Variants in COL18A1 observed in about 807,000 individuals in gnomAD.
The protein encoded by COL18A1 is collagen type XVIII alpha 1 chain, also known as collagen alpha-1(XVIII) chain.
A neutral mutation model predicts 168.0 loss-of-function variants in COL18A1; 133 were observed. That is an observed-to-expected ratio of 0.79 (90% confidence interval 0.69 to 0.91). The LOEUF is 0.91. Ranked by LOEUF, COL18A1 falls within the 40% of genes least tolerant of loss-of-function variation. The probability of loss-of-function intolerance (pLI) is 0.00; values close to 1 mark genes in which losing one functional copy is unlikely to be tolerated. For synonymous variants in COL18A1, 949 were observed against 809.0 expected, an observed-to-expected ratio of 1.17 and a Z score of -2.94; for missense variants, 2,126 against 1,925.4, an observed-to-expected ratio of 1.10 and a Z score of -1.95.
At chr21:45,474,630 T>G (rs2145911972) in intron 4 of COL18A1, among the ~76,000 whole-genome samples, 2 of 150,216 alleles carry the variant, frequency 1.3e-5, no homozygotes, top group African/African-American at 4.9e-5. Flanking sequence ...AAGGGGAGAA[T>G]CCCCCAGCCC....
rs769705694 is a variant in COL18A1, at chr21:45,468,613, G to A, written c.478G>A (p.Gly160Ser). The A allele has an allele frequency of 1.2e-5, 20 of 1,613,776 alleles. No individual in the cohort carries two copies. The highest frequency in any genetic ancestry group is 4.0e-5 in the African/African-American group (3 of 74,948). ...AASFRLPAFV[G>S]QWTHLALSVA... The stretch of plus-strand genomic sequence containing the variant: ...CAGCTTCCGGCTCCCCGCCTTCGTC[G>A]GCCAGTGGACACACTTAGCCCTCAG... Residue 160 changes from glycine (G) to serine (S), a missense_variant, in exon 3 of 42, where the codon GGC becomes AGC. By Grantham distance (56) the Gly-to-Ser change is moderately conservative. Transcript: ENST00000651438.
At chr21:45,494,197 T>C (rs996761656) in intron 26 of COL18A1, 6 of 487,006 alleles carry the variant, frequency 1.2e-5, no homozygotes, top group Non-Finnish European at 2.3e-5. Context: ...CACCCAGCTG[T>C]GCATTGGAGC....
chr21:45,437,516 A>ACACACT (rs2034180560), intron 2 of COL18A1, among the ~76,000 whole-genome samples: 1 of 84,528 alleles, frequency 1.2e-5, no homozygotes, highest in Non-Finnish European at 2.2e-5. Context: ...TCTCCTGCAC[A>ACACACT]CACACACTCA....
Position 45,473,258 on chromosome 21 carries a change from G to A in COL18A1, c.652-637G>A, listed in dbSNP as rs149463809. Among the ~76,000 whole-genome samples the A allele has an allele frequency of 3.9e-5, 6 of 152,374 alleles. No homozygotes were observed. Among genetic ancestry groups the A allele is most frequent in the African/African-American group, 1.4e-4 (6 of 41,602 alleles). ...CCAGGGCCCGAGAGGGCAGGGTCAG[G>A]CACCCTGGCACTCAGCCCAGGACTG... On this transcript the variant is annotated intron_variant, in intron 3 of 41. Transcript: ENST00000651438. This position sits in a 1 kb window ranked among gnomAD's most constrained non-coding sequence, Gnocchi z 4.0.
chr21:45,497,512 G>A, intron 31 of COL18A1, 87 bp from the exon 32 acceptor site: 2 of 1,507,336 alleles, frequency 1.3e-6, no homozygotes, highest in Non-Finnish European at 1.8e-6. Flanking sequence ...AGGCCCCCAG[G>A]CACTAGGGCA....
chr21:45,506,975 GGC>G, intron 37 of COL18A1: 2 of 271,580 alleles, frequency 7.4e-6, no homozygotes, highest in South Asian at 3.6e-5. Flanking sequence ...TGTGCTTGTA[GGC>G]ACCCGGATGC....
intron 2 of COL18A1, among the ~76,000 whole-genome samples, chr21:45,449,015 C>T (rs995800104): frequency 2.0e-5 from 3 of 152,356 alleles, no homozygotes; most frequent in Middle Eastern, 3.4e-3. Context: ...GTGTCCTCCC[C>T]GTGGCCTCCT....
intron 32 of COL18A1, among the ~76,000 whole-genome samples, chr21:45,503,491 A>G (rs2036977244): frequency 6.6e-6 from 1 of 152,086 alleles, no homozygotes; most frequent in Admixed American, 6.6e-5. Context: ...TTGTAGGGAC[A>G]TGGATGAAAT....
chr21:45,503,651 G>C (rs1196414607), intron 32 of COL18A1, among the ~76,000 whole-genome samples: 1 of 112,556 alleles, frequency 8.9e-6, no homozygotes, highest in Non-Finnish European at 1.8e-5. Context: ...TGGGGGGAGG[G>C]GGGAGGGATA....
intron 2 of COL18A1, among the ~76,000 whole-genome samples, chr21:45,433,621 C>T (rs2034024545): frequency 6.6e-6 from 1 of 152,226 alleles, no homozygotes; most frequent in Non-Finnish European, 1.5e-5. Flanking sequence ...TGCAAGAACA[C>T]CTTTTGAAGT....
rs17004785 is a variant in COL18A1, at chr21:45,512,704, G to C, written c.*306G>C. 48,700 of 455,960 alleles carry C rather than the reference G, an allele frequency of 0.11. 2,813 individuals carry two copies. The highest frequency in any genetic ancestry group is 0.17 in the Admixed American group (4,709 of 27,648). The allele number at this position is 455,960 out of a possible 1,614,324, so 28.2% of individuals were successfully genotyped here. The stretch of plus-strand genomic sequence containing the variant: ...CAACCTCTTGGCCTGATCAGACCAC[G>C]GCTCGATTTCTCCAGGATTTCCTGC... On this transcript the variant is annotated 3_prime_UTR_variant, in exon 42 of 42. Coordinates refer to ENST00000651438, the MANE Select transcript of COL18A1 (RefSeq NM_001379500.1).
intron 2 of COL18A1, among the ~76,000 whole-genome samples, chr21:45,449,805 C>T (rs1345043297): frequency 2.6e-5 from 4 of 152,190 alleles, no homozygotes; most frequent in Non-Finnish European, 5.9e-5. Flanking sequence ...TGCCGCTGGC[C>T]GGGTTGTGCC....
chr21:45,418,939 C>T (rs1346772795), intron 2 of COL18A1, among the ~76,000 whole-genome samples: 1 of 152,264 alleles, frequency 6.6e-6, no homozygotes, highest in African/African-American at 2.4e-5. Flanking sequence ...GAAGCAACCC[C>T]TCCATGGGGC....
chr21:45,479,579 CCT>C (rs1277983267), intron 9 of COL18A1, among the ~76,000 whole-genome samples: 2 of 150,510 alleles, frequency 1.3e-5, no homozygotes, highest in Non-Finnish European at 3.0e-5. Flanking sequence ...ACACCACACT[CCT>C]CACACACACA....
intron 32 of COL18A1, among the ~76,000 whole-genome samples, chr21:45,501,669 C>G (rs1433397657): frequency 7.3e-5 from 11 of 151,188 alleles, no homozygotes; most frequent in Non-Finnish European, 1.2e-4. Context: ...AGCCGGTCAC[C>G]TCCCTCTGCA....
At chr21:45,416,757 C>G (rs2033460375) in intron 2 of COL18A1, among the ~76,000 whole-genome samples, 1 of 152,210 alleles carries the variant, frequency 6.6e-6, no homozygotes, top group African/African-American at 2.4e-5. Flanking sequence ...TACTCTCCCA[C>G]TTGATTGGAA....
intron 2 of COL18A1, 38 bp downstream of exon 2, chr21:45,405,511 C>A: frequency 1.6e-6 from 2 of 1,236,912 alleles, no homozygotes; most frequent in Non-Finnish European, 2.1e-6. Flanking sequence ...CGCGCCGGTG[C>A]CCGCCGGCCT....
intron 2 of COL18A1, among the ~76,000 whole-genome samples, chr21:45,452,492 C>A (rs528984193): frequency 0.023 from 3,496 of 149,160 alleles, 58 homozygotes; most frequent in Middle Eastern, 0.062. Flanking sequence ...TTTCTGTATG[C>A]ATGTGTGTAT....
intron 2 of COL18A1, among the ~76,000 whole-genome samples, chr21:45,453,051 T>C (rs1426940145): frequency 6.6e-6 from 1 of 152,062 alleles, no homozygotes; most frequent in South Asian, 2.1e-4. Flanking sequence ...TGTAAGCATG[T>C]ATGTACATGT....
Sources: gnomAD v4.1 joint callset for allele counts (sites outside exome capture counted in the v4.1 genomes callset) on GRCh38, gnomAD v4.1.1 for gene constraint, Gnocchi (gnomAD v3.1) non-coding constraint, MANE v1.5 for transcripts, NCBI Gene and HGNC (gene_info 2026-07-23, HGNC 2026-07-21) for gene names.